Variants in PLCG2 observed in about 807,000 individuals in gnomAD.
PLCG2 encodes the protein phospholipase C gamma 2.
In PLCG2, 69 loss-of-function variants were observed where a neutral mutation model predicts 175.6. The observed-to-expected ratio is 0.39, with a 90% confidence interval of 0.32 to 0.48. The LOEUF is 0.48. PLCG2 is among the 20% of genes least tolerant of loss of function. The pLI is 0.91. For missense variants in PLCG2, 1,798 were observed against 1,650.9 expected (o/e 1.09, Z -1.54); for synonymous variants, 827 against 624.0 (o/e 1.33, Z -4.85).
At chr16:81,820,285 C>A (rs574289817) in intron 2 of PLCG2, among the ~76,000 whole-genome samples, 1 of 152,224 alleles carries the variant, frequency 6.6e-6, no homozygotes, top group Admixed American at 6.5e-5. Flanking sequence ...GAGAGGGTTC[C>A]CTCACTTCCC....
In PLCG2 at chr16:81,960,845, CT is replaced by C. The variant is rs1163260097; in HGVS notation, c.*2848del. The C allele has an allele frequency of 1.3e-5, 3 of 229,702 alleles. No homozygotes were observed. The highest frequency in any genetic ancestry group is 4.4e-5 in the African/African-American group (2 of 45,162). 14.2% of individuals were successfully genotyped at this position (229,702 alleles called of 1,614,324 possible). A position where few individuals can be genotyped will look rare whatever the true frequency, so the allele number is the denominator to read the frequency against. On this transcript the variant is annotated 3_prime_UTR_variant, in exon 33 of 33. Transcript: ENST00000564138. ...CAGAGCTTTCCAAGGAATACACAGA[CT>C]CCAGTACTCTCAGGGGAGCAGTGTT...
intron 2 of PLCG2, among the ~76,000 whole-genome samples, chr16:81,824,116 C>G (rs1200196264): frequency 7.1e-6 from 1 of 140,604 alleles, no homozygotes; most frequent in Non-Finnish European, 1.5e-5. Context: ...TCCCTCCTTC[C>G]CTCCCTCCCT....
At chr16:81,831,075 C>T (rs1436161256) in intron 2 of PLCG2, among the ~76,000 whole-genome samples, 9 of 152,170 alleles carry the variant, frequency 5.9e-5, no homozygotes, top group Admixed American at 1.3e-4. Flanking sequence ...CAGATGTCAC[C>T]ACCTCTGGGG....
chr16:81,922,019 C>A (rs114117465), intron 21 of PLCG2, among the ~76,000 whole-genome samples: 1 of 152,138 alleles, frequency 6.6e-6, no homozygotes, highest in African/African-American at 2.4e-5. Flanking sequence ...GATGTTTTGG[C>A]GATGAGAACA....
chr16:81,876,016 C>CTTTTGTTTTTTTTTTTT (rs1907765206), intron 7 of PLCG2, among the ~76,000 whole-genome samples: 1 of 114,994 alleles, frequency 8.7e-6, no homozygotes, highest in African/African-American at 3.2e-5. Context: ...CTTTTTCTTT[C>CTTTTGTTTTTTTTTTTT]TTTTTTTTTT....
At chr16:81,928,522 T>TA (rs1910371162) in intron 23 of PLCG2, 36 bp from the exon 24 acceptor site, 1 of 1,350,662 alleles carries the variant, frequency 7.4e-7, no homozygotes, top group African/African-American at 1.4e-5. Context: ...TTATTCCCGT[T>TA]ACAACTAACG....
intron 7 of PLCG2, among the ~76,000 whole-genome samples, chr16:81,879,051 C>T (rs1567512850): frequency 6.6e-6 from 1 of 152,088 alleles, no homozygotes; most frequent in South Asian, 2.1e-4. Context: ...ATGGTGGTAC[C>T]TCTGCCATTG....
At chr16:81,786,413 C>G (rs528320721) in intron 2 of PLCG2, among the ~76,000 whole-genome samples, 1 of 152,172 alleles carries the variant, frequency 6.6e-6, no homozygotes, top group Non-Finnish European at 1.5e-5. Context: ...CTGAGGTCAG[C>G]CAACATGGAA....
chr16:81,786,508 G>T (rs1439751724), intron 2 of PLCG2, among the ~76,000 whole-genome samples: 1 of 152,170 alleles, frequency 6.6e-6, no homozygotes, highest in Non-Finnish European at 1.5e-5. Context: ...ACAACTGGTC[G>T]AGTCATCTTT....
chr16:81,887,800 C>A (rs546318327), intron 9 of PLCG2, among the ~76,000 whole-genome samples: 141 of 152,292 alleles, frequency 9.3e-4, no homozygotes, highest in Admixed American at 1.5e-3. Context: ...TATTTCATCC[C>A]CTTTTCCTAT....
At chr16:81,897,653 C>A (rs1415373665) in intron 13 of PLCG2, among the ~76,000 whole-genome samples, 3 of 149,420 alleles carry the variant, frequency 2.0e-5, no homozygotes, top group African/African-American at 4.9e-5. Flanking sequence ...TCGAGCAATT[C>A]CCCTGTCTCA....
chr16:81,931,301 G>A (rs1479636439), intron 24 of PLCG2, 196 bp from the exon 25 acceptor site: 1 of 465,870 alleles, frequency 2.1e-6, no homozygotes, highest in African/African-American at 1.9e-5. Context: ...GGACCCTACT[G>A]AATCTACTGC....
rs866881497 is a variant in PLCG2, at chr16:81,919,529, G to A, written c.2100G>A (p.Arg700=). ...VKHCRINRDG[R]HFVLGTSAYF... is the part of the protein sequence containing the mutation. Reference sequence around the variant, plus strand: ...ATTGTCGCATCAACCGGGACGGCCGGCACTTTGTGCTGGGGACCTCCGCCT... The same window carrying A: ...ATTGTCGCATCAACCGGGACGGCCGACACTTTGTGCTGGGGACCTCCGCCT... The change falls in exon 20 of 33, where the codon CGG becomes CGA. Residue 700 remains arginine (R), a synonymous_variant. Transcript: ENST00000564138. 4 of 1,614,144 alleles carry A rather than the reference G, an allele frequency of 2.5e-6. No individual in the cohort carries two copies. The Middle Eastern group carries it at 5.0e-4, about 200-fold the overall frequency.
At position 81,805,302 on chromosome 16, in the gene PLCG2, A is replaced by G. The variant is rs566040075; in HGVS notation, c.193+19120A>G. Among the ~76,000 whole-genome samples the G allele has an allele frequency of 4.6e-5, 7 of 152,288 alleles. No individual in the cohort carries two copies. The South Asian group carries it at 8.3e-4, about 18-fold the overall frequency. ...ATCACAAGGTCAGGAGATCGAGACCATCCTGACTAACACGGTGAAACTCTG... is the reference window on the plus strand; with the variant it reads ...ATCACAAGGTCAGGAGATCGAGACCGTCCTGACTAACACGGTGAAACTCTG... On this transcript the variant is annotated intron_variant, in intron 2 of 32. Transcript: ENST00000564138.
intron 1 of PLCG2, among the ~76,000 whole-genome samples, chr16:81,780,646 G>A (rs1910687647): frequency 6.6e-6 from 1 of 152,170 alleles, no homozygotes; most frequent in African/African-American, 2.4e-5. Flanking sequence ...CAGTTCCTCT[G>A]GAAGTGGAAA....
At chr16:81,854,406 C>G in intron 2 of PLCG2, 38 bp from the exon 3 acceptor site, 2 of 1,605,090 alleles carry the variant, frequency 1.2e-6, no homozygotes, top group Non-Finnish European at 1.7e-6. Flanking sequence ...GTGGAGGGAA[C>G]TCCAGCTTCT....
chr16:81,858,279 T>A lies in PLCG2; in HGVS notation c.354T>A (p.Asp118Glu), dbSNP rs907976551. Residue 118 changes from aspartate to glutamate, a missense_variant, in exon 4 of 33, where the codon GAT becomes GAA. Coordinates refer to ENST00000564138, the MANE Select transcript of PLCG2 (RefSeq NM_002661.5). ...TLSLAADSKEDAVNWLSGLKI... is the reference protein window; with the variant it reads ...TLSLAADSKEEAVNWLSGLKI... ...CCACTCCAGCTGACTCTAAAGAGGATGCAGTTAACTGGCTCTCTGGCTTGA... is the reference window on the plus strand; with the variant it reads ...CCACTCCAGCTGACTCTAAAGAGGAAGCAGTTAACTGGCTCTCTGGCTTGA... 2.5e-6 allele frequency: 4 copies of A among 1,612,668 alleles called. No individual in the cohort carries two copies. The highest frequency in any genetic ancestry group is 1.3e-5 in the African/African-American group (1 of 74,904).
At chr16:81,918,497 AAC>A (rs1909933246) in intron 19 of PLCG2, among the ~76,000 whole-genome samples, 1 of 152,238 alleles carries the variant, frequency 6.6e-6, no homozygotes, top group Non-Finnish European at 1.5e-5. Flanking sequence ...CTACTTATTT[AAC>A]AGACTGTCCT....
upstream of PLCG2, among the ~76,000 whole-genome samples, chr16:81,776,073 TTCTC>T (rs549959626): frequency 0.032 from 1,080 of 33,848 alleles, 181 homozygotes; most frequent in African/African-American, 0.075. Flanking sequence ...AGTGGTTTCT[TTCTC>T]TCTCTCTCTC....
Sources: gnomAD v4.1 joint callset for allele counts (sites outside exome capture counted in the v4.1 genomes callset) on GRCh38, gnomAD v4.1.1 for gene constraint, MANE v1.5 for transcripts, NCBI Gene and HGNC (gene_info 2026-07-23, HGNC 2026-07-21) for gene names.